The following TMEM74 variants were observed in gnomAD, a reference collection of about 807,000 sequenced individuals.
TMEM74 encodes transmembrane protein 74.
In TMEM74, 13 loss-of-function variants were observed where a neutral mutation model predicts 18.1. The observed-to-expected ratio is 0.72, with a 90% CI of 0.47 to 1.14. The LOEUF (loss-of-function observed/expected upper bound fraction) is 1.14. TMEM74 is among the 50% of genes most tolerant of loss of function. The probability of loss-of-function intolerance (pLI) is 0.00; values close to 1 mark genes in which losing one functional copy is unlikely to be tolerated. For missense variants in TMEM74, 372 were observed against 375.9 expected, an observed-to-expected ratio of 0.99 and a Z score of 0.09; for synonymous variants, 159 against 146.6, an observed-to-expected ratio of 1.08 and a Z score of -0.61.
intron 1 of TMEM74, among the ~76,000 whole-genome samples, chr8:108,676,678 T>TC (rs1813059288): frequency 1.3e-5 from 2 of 152,158 alleles, no homozygotes; most frequent in Admixed American, 1.3e-4. Context: ...ACTCTCTCCT[T>TC]CCCCCTTCTC....
At chr8:108,655,132 A>C (rs1163479395) in intron 2 of TMEM74, among the ~76,000 whole-genome samples, 2 of 152,138 alleles carry the variant, frequency 1.3e-5, no homozygotes, top group African/African-American at 4.8e-5. Flanking sequence ...GGAAAGCTAC[A>C]TTTCATAATA....
At chr8:108,699,067 G>A (rs1040306058) in intron 1 of TMEM74, among the ~76,000 whole-genome samples, 1 of 151,724 alleles carries the variant, frequency 6.6e-6, no homozygotes, top group Non-Finnish European at 1.5e-5. Flanking sequence ...ACCAGGCATT[G>A]CCCTTCTTTC....
downstream of TMEM74, among the ~76,000 whole-genome samples, chr8:108,774,545 T>C (rs1441586084): frequency 6.6e-6 from 1 of 152,206 alleles, no homozygotes; most frequent in African/African-American, 2.4e-5. Flanking sequence ...CATAAAGGCA[T>C]GTTGGTTTCT....
chr8:108,733,057 G>A (rs1813711426), intron 1 of TMEM74, among the ~76,000 whole-genome samples: 1 of 152,104 alleles, frequency 6.6e-6, no homozygotes, highest in African/African-American at 2.4e-5. Context: ...GTTGGTGGGA[G>A]TGTAAAATGG....
intron 2 of TMEM74, among the ~76,000 whole-genome samples, chr8:108,624,316 A>C (rs1039460110): frequency 6.6e-6 from 1 of 152,118 alleles, no homozygotes; most frequent in African/African-American, 2.4e-5. Context: ...CTACTGTTAA[A>C]GAATTTGGGT....
chr8:108,731,913 G>GA lies in TMEM74; in HGVS notation n.119+55562dup, dbSNP rs553398745. On this transcript the variant is annotated intron_variant and non_coding_transcript_variant, in intron 1 of 3. Coordinates refer to the TMEM74 transcript ENST00000518838. Reference sequence around the variant, plus strand: ...CACATAAAACAGGAAGGGAAGTATGGAAAAAAAAAAGCCCACCATTTTTTC... The same window carrying GA: ...CACATAAAACAGGAAGGGAAGTATGGAAAAAAAAAAAGCCCACCATTTTTTC... Among the ~76,000 whole-genome samples the GA allele has an allele frequency of 7.2e-3, 1,049 of 146,224 alleles. 2 individuals carry two copies. Among genetic ancestry groups the GA allele is most frequent in the Non-Finnish European group, 9.3e-3 (616 of 66,042 alleles).
chr8:108,727,240 T>C (rs1419403984), intron 1 of TMEM74, among the ~76,000 whole-genome samples: 2 of 152,158 alleles, frequency 1.3e-5, no homozygotes, highest in Non-Finnish European at 2.9e-5. Context: ...AAATAATGAT[T>C]TGAGTTATAA....
chr8:108,764,842 G>A lies in TMEM74; in HGVS notation n.119+22634C>T, dbSNP rs375467962. On this transcript the variant is annotated intron_variant and non_coding_transcript_variant, in intron 1 of 3. Coordinates refer to the TMEM74 transcript ENST00000518838. ...GTCTTTAAAAACATTCTTTACTCTC[G>A]TAGGCAACTTAAGGAATAAGATTAG... Among the ~76,000 whole-genome samples the A allele has an allele frequency of 6.6e-5, 10 of 152,168 alleles. No homozygotes were observed. The South Asian group carries it at 1.5e-3, about 22-fold the overall frequency.
chr8:108,695,704 G>A (rs1797343191), intron 1 of TMEM74, among the ~76,000 whole-genome samples: 1 of 152,124 alleles, frequency 6.6e-6, no homozygotes, highest in Non-Finnish European at 1.5e-5. Flanking sequence ...GTATAGTGAA[G>A]TTTTCTGCTT....
intron 1 of TMEM74, among the ~76,000 whole-genome samples, chr8:108,672,995 A>C (rs888101407): frequency 3.3e-5 from 5 of 152,222 alleles, no homozygotes; most frequent in South Asian, 2.1e-4. Context: ...ATGAAGATCC[A>C]GATGATTAAA....
chr8:108,784,902 G>T lies in TMEM74; in HGVS notation c.197C>A (p.Ser66Tyr), dbSNP rs1586298146. ...ACTGTTTTGCAGAGAGGAGGAGGGG[G>T]ATGCTGGAGAAGAACTAAGTTTAGA... ...EGSKLSSSPA[S>Y]PSSSLQNSTL... The change falls in exon 2 of 2, where the codon TCC becomes TAC. Residue 66 changes from serine to tyrosine, a missense_variant. Transcript: ENST00000297459. The T allele has an allele frequency of 6.2e-7, 1 of 1,614,144 alleles. No homozygotes were observed. Among genetic ancestry groups the T allele is most frequent in the African/African-American group, 1.3e-5 (1 of 75,036 alleles).
intron 1 of TMEM74, 57 bp downstream of exon 1, chr8:108,787,419 C>T (rs1184330037): frequency 6.6e-6 from 1 of 152,360 alleles, no homozygotes; most frequent in Non-Finnish European, 1.5e-5. Context: ...TGCTAGGCTC[C>T]AGGGCTCTCA....
intron 1 of TMEM74, among the ~76,000 whole-genome samples, chr8:108,714,513 G>A (rs963216553): frequency 6.6e-6 from 1 of 152,168 alleles, no homozygotes; most frequent in African/African-American, 2.4e-5. Flanking sequence ...GACTGACAAA[G>A]ATAGAAAATG....
At chr8:108,626,828 A>G (rs1349505107) in intron 2 of TMEM74, 4 of 151,984 alleles carry the variant, frequency 2.6e-5, no homozygotes, top group Non-Finnish European at 5.9e-5. Context: ...TCAACACTTC[A>G]TACTTCATTT....
intron 1 of TMEM74, among the ~76,000 whole-genome samples, chr8:108,710,747 C>G (rs768608886): frequency 6.6e-6 from 1 of 152,168 alleles, no homozygotes; most frequent in Non-Finnish European, 1.5e-5. Context: ...TGGGTATGAG[C>G]GAGCGGAGCT....
chr8:108,689,120 C>T (rs1259315007), intron 1 of TMEM74, among the ~76,000 whole-genome samples: 1 of 152,194 alleles, frequency 6.6e-6, no homozygotes, highest in Admixed American at 6.5e-5. Context: ...TGTAAATTTG[C>T]TACAACTTCA....
At chr8:108,638,340 A>C (rs1812627796) in intron 2 of TMEM74, among the ~76,000 whole-genome samples, 1 of 152,108 alleles carries the variant, frequency 6.6e-6, no homozygotes, top group African/African-American at 2.4e-5. Flanking sequence ...ATTCAACTTT[A>C]TTGAAGAGAA....
chr8:108,665,051 G>C (rs1173182767), intron 1 of TMEM74, among the ~76,000 whole-genome samples: 2 of 151,246 alleles, frequency 1.3e-5, no homozygotes, highest in Admixed American at 1.3e-4. Flanking sequence ...TATCTCTCTT[G>C]CCAATGGTCA....
chr8:108,723,134 T>G (rs964344462), intron 1 of TMEM74, among the ~76,000 whole-genome samples: 1 of 152,162 alleles, frequency 6.6e-6, no homozygotes, highest in Non-Finnish European at 1.5e-5. Context: ...TGAGTGAGAA[T>G]CCTGTGAGGC....
Sources: allele counts gnomAD v4.1 joint callset (sites outside exome capture counted in the v4.1 genomes callset), GRCh38; gene constraint gnomAD v4.1.1; transcripts MANE v1.5; gene names NCBI Gene and HGNC (gene_info 2026-07-23, HGNC 2026-07-21).